SIMC1: variants seen among roughly 807,000 people sequenced by gnomAD.
SIMC1 encodes SUMO interacting motifs containing 1, also known as SUMO-interacting motif-containing protein 1.
SIMC1 carries 55 observed loss-of-function variants against 82.3 expected under a neutral mutation model. The ratio of observed to expected loss-of-function variants is 0.67; its 90% CI spans 0.54 to 0.84. SIMC1 has a LOEUF of 0.84. SIMC1 is among the 40% of genes least tolerant of loss of function. SIMC1 has a pLI of 0.00. For missense variants in SIMC1, 915 were observed against 1,107.2 expected (o/e 0.83, Z 2.46); for synonymous variants, 353 against 426.3 (o/e 0.83, Z 2.12).
chr5:176,293,407 C>T (rs1051508374), intron 2 of SIMC1, among the ~76,000 whole-genome samples: 4 of 150,866 alleles, frequency 2.7e-5, no homozygotes, highest in Non-Finnish European at 5.9e-5. Context: ...AGTGCTCCAG[C>T]GTGGGCGACA....
At chr5:176,262,396 A>G (rs1326687431) in intron 1 of SIMC1, among the ~76,000 whole-genome samples, 1 of 152,148 alleles carries the variant, frequency 6.6e-6, no homozygotes, top group African/African-American at 2.4e-5. Context: ...ATGGTGAAAA[A>G]CTTGAAGCAT....
chr5:176,313,377 A>G, intron 4 of SIMC1: 1 of 1,529,362 alleles, frequency 6.5e-7, no homozygotes, highest in Middle Eastern at 1.9e-4. Flanking sequence ...AGATTCCAGT[A>G]GATATCTGAT....
chr5:176,288,280 C>T (rs1430730789), intron 1 of SIMC1, among the ~76,000 whole-genome samples: 1 of 152,036 alleles, frequency 6.6e-6, no homozygotes, highest in East Asian at 1.9e-4. Flanking sequence ...TGGTGGTGTA[C>T]ATCTGTAATC....
chr5:176,342,880 G>C (rs1305122861), intron 9 of SIMC1, among the ~76,000 whole-genome samples: 1 of 152,152 alleles, frequency 6.6e-6, no homozygotes, highest in African/African-American at 2.4e-5. Context: ...CCTGCAACTA[G>C]AATATCAGTC....
At position 176,280,800 on chromosome 5, in the gene SIMC1, G is replaced by T. The variant is rs531791218; in HGVS notation, c.130-8854G>T. ...TTGTAGAGTTTCTCCCAAGAGATCC[G>T]CTGTTAGTCTGGTGGGCTTCCCTTT... On this transcript the variant is annotated intron_variant, in intron 1 of 9. Transcript: ENST00000429602. 3.7e-3 allele frequency among the ~76,000 whole-genome samples: 560 copies of T among 152,250 alleles called. 2 individuals are homozygous for T. Among genetic ancestry groups the T allele is most frequent in the African/African-American group, 0.013 (532 of 41,558 alleles).
At chr5:176,294,333 G>A (rs1032716887) in intron 2 of SIMC1, among the ~76,000 whole-genome samples, 1 of 152,158 alleles carries the variant, frequency 6.6e-6, no homozygotes, top group African/African-American at 2.4e-5. Context: ...AGGCTGGAGT[G>A]CAGTGGCGCC....
At chr5:176,272,459 A>G (rs1343828253) in intron 1 of SIMC1, among the ~76,000 whole-genome samples, 9 of 152,090 alleles carry the variant, frequency 5.9e-5, no homozygotes, top group Non-Finnish European at 8.8e-5. Context: ...ATGTATATCG[A>G]AATCCTAGGT....
At chr5:176,275,589 G>T (rs1255371754) in intron 1 of SIMC1, among the ~76,000 whole-genome samples, 2 of 151,716 alleles carry the variant, frequency 1.3e-5, no homozygotes, top group African/African-American at 4.8e-5. Flanking sequence ...TGCCCATTCA[G>T]TATGATATTG....
chr5:176,303,614 C>T (rs974342529), intron 4 of SIMC1, among the ~76,000 whole-genome samples: 4 of 152,186 alleles, frequency 2.6e-5, no homozygotes, highest in Non-Finnish European at 4.4e-5. Flanking sequence ...GCCACCATGC[C>T]CGGCCAGTCA....
At chr5:176,325,021 C>T (rs1006360896) in intron 7 of SIMC1, among the ~76,000 whole-genome samples, 1 of 152,020 alleles carries the variant, frequency 6.6e-6, no homozygotes, top group Non-Finnish European at 1.5e-5. Flanking sequence ...GGCACAGTAC[C>T]CTAAATGGAG....
chr5:176,263,720 G>C (rs548497828), intron 1 of SIMC1, among the ~76,000 whole-genome samples: 1 of 152,114 alleles, frequency 6.6e-6, no homozygotes, highest in African/African-American at 2.4e-5. Flanking sequence ...TTCTTTCCCT[G>C]GCCCCCCAAA....
Position 176,323,995 on chromosome 5 carries a change from A to T in SIMC1, c.2043-634A>T, listed in dbSNP as rs1278163899. On this transcript the variant is annotated intron_variant, in intron 6 of 9. Transcript: ENST00000429602. ...AGAGCTAGACTCCATCTCAAAAAAAAAAAAAAAAAAAAAAAAAAACACGTG... is the reference window on the plus strand; with the variant it reads ...AGAGCTAGACTCCATCTCAAAAAAATAAAAAAAAAAAAAAAAAAACACGTG... Among the ~76,000 whole-genome samples the T allele has an allele frequency of 4.3e-3, 645 of 149,258 alleles. 6 individuals are homozygous for T. The highest frequency in any genetic ancestry group is 0.013 in the African/African-American group (547 of 40,768).
chr5:176,268,709 T>G (rs1762303567), intron 1 of SIMC1, among the ~76,000 whole-genome samples: 1 of 152,176 alleles, frequency 6.6e-6, no homozygotes, highest in African/African-American at 2.4e-5. Flanking sequence ...GGGAAAACAG[T>G]CAAACTACAA....
intron 1 of SIMC1, among the ~76,000 whole-genome samples, chr5:176,246,513 A>G (rs966064913): frequency 1.3e-5 from 2 of 149,064 alleles, no homozygotes; most frequent in Non-Finnish European, 1.5e-5. Flanking sequence ...ATCTTGGCTC[A>G]CTGCAACCTC....
Position 176,274,716 on chromosome 5 carries a change from C to T in SIMC1, c.130-14938C>T, listed in dbSNP as rs1481424126. 2.6e-5 allele frequency among the ~76,000 whole-genome samples: 4 copies of T among 151,918 alleles called. No individual in the cohort carries two copies. The East Asian group carries it at 5.8e-4, about 22-fold the overall frequency. Reference sequence around the variant, plus strand: ...AAGGAAGGGATCCAGTTTCAGCTTTCTACATATGGCTAGCCAGTTTTCCCA... The same window carrying T: ...AAGGAAGGGATCCAGTTTCAGCTTTTTACATATGGCTAGCCAGTTTTCCCA... On this transcript the variant is annotated intron_variant, in intron 1 of 9. Transcript: ENST00000429602.
At position 176,290,098 on chromosome 5, in the gene SIMC1, A is replaced by C; in HGVS notation, c.574A>C (p.Ser192Arg). 1 of 1,606,708 alleles carries C rather than the reference A, an allele frequency of 6.2e-7. No individual in the cohort carries two copies. The highest frequency in any genetic ancestry group is 8.5e-7 in the Non-Finnish European group (1 of 1,176,428). Residue 192 changes from serine (S) to arginine (R), a missense_variant, in exon 2 of 10, where the codon AGT (serine) becomes CGT (arginine). Ser to Arg is a moderately radical substitution (Grantham distance 110, BLOSUM62 -1). Transcript: ENST00000429602. ...VSSLSPTSNN[S>R]RSSSSSSNQK... ...CTCCCTCTCCCCAACAAGCAATAAT[A>C]GTAGGAGCAGCAGCAGCAGCAGCAA...
chr5:176,332,835 A>T (rs1163923256), intron 7 of SIMC1, among the ~76,000 whole-genome samples: 1 of 152,212 alleles, frequency 6.6e-6, no homozygotes, highest in Non-Finnish European at 1.5e-5. Context: ...CAGTATCACA[A>T]CCAGGATATT....
intron 5 of SIMC1, among the ~76,000 whole-genome samples, chr5:176,315,499 C>A (rs920529694): frequency 1.3e-5 from 2 of 152,178 alleles, no homozygotes; most frequent in African/African-American, 4.8e-5. Context: ...CCAGATGTAA[C>A]CCCATCATAG....
chr5:176,277,153 G>T (rs1170680973), intron 1 of SIMC1, among the ~76,000 whole-genome samples: 3 of 151,906 alleles, frequency 2.0e-5, no homozygotes, highest in Non-Finnish European at 4.4e-5. Context: ...ACTGGTGTTA[G>T]ATGGTATCTC....
Sources: gnomAD v4.1 joint callset for allele counts (sites outside exome capture counted in the v4.1 genomes callset) on GRCh38, gnomAD v4.1.1 for gene constraint, MANE v1.5 for transcripts, NCBI Gene and HGNC (gene_info 2026-07-23, HGNC 2026-07-21) for gene names.